Variants in DSCAM observed in about 807,000 individuals in gnomAD.
The protein encoded by DSCAM is cell adhesion molecule DSCAM.
Under a neutral mutation model 217.7 loss-of-function variants are expected in DSCAM, and 47 were observed. The observed-to-expected ratio is 0.22, with a 90% CI of 0.17 to 0.28. The LOEUF (loss-of-function observed/expected upper bound fraction) is 0.28. Among genes scored for constraint, DSCAM ranks in the 10% least tolerant of loss-of-function variants. The pLI is 1.00. For synonymous variants in DSCAM, 1,056 were observed against 1,015.3 expected, an observed-to-expected ratio of 1.04 and a Z score of -0.76; for missense variants, 2,080 against 2,618.3, an observed-to-expected ratio of 0.79 and a Z score of 4.49.
At chr21:40,218,528 G>A (rs1275715005) in intron 11 of DSCAM, among the ~76,000 whole-genome samples, 4 of 152,084 alleles carry the variant, frequency 2.6e-5, no homozygotes, top group African/African-American at 7.2e-5. Context: ...GTTCTGTGAA[G>A]AATGTCATTT....
At chr21:40,194,402 T>C (rs1251697210) in intron 11 of DSCAM, among the ~76,000 whole-genome samples, 1 of 152,198 alleles carries the variant, frequency 6.6e-6, no homozygotes, top group East Asian at 1.9e-4. Flanking sequence ...GATGACAACA[T>C]GTCTGTACAG....
At chr21:40,365,539 A>G (rs1429044080) in intron 4 of DSCAM, among the ~76,000 whole-genome samples, 5 of 152,248 alleles carry the variant, frequency 3.3e-5, no homozygotes, top group African/African-American at 1.2e-4. Context: ...TTACTCCTTA[A>G]TAAACTCTAC....
intron 3 of DSCAM, among the ~76,000 whole-genome samples, chr21:40,417,212 A>G (rs1295980233): frequency 6.6e-6 from 1 of 152,182 alleles, no homozygotes; most frequent in Admixed American, 6.5e-5. Context: ...TTGCCAATAT[A>G]TAATATTTCA....
intron 3 of DSCAM, among the ~76,000 whole-genome samples, chr21:40,691,787 G>A (rs981085713): frequency 3.9e-5 from 6 of 152,178 alleles, no homozygotes; most frequent in Non-Finnish European, 8.8e-5. Flanking sequence ...TTCCTGTAAT[G>A]TGCTATGATG....
At chr21:40,676,960 G>A (rs532410023) in intron 3 of DSCAM, among the ~76,000 whole-genome samples, 27 of 152,180 alleles carry the variant, frequency 1.8e-4, no homozygotes, top group African/African-American at 5.5e-4. Context: ...TTGGGAAATG[G>A]CCCTCCTCAA....
intron 4 of DSCAM, among the ~76,000 whole-genome samples, chr21:40,367,663 G>A (rs2074847976): frequency 6.6e-6 from 1 of 152,060 alleles, no homozygotes; most frequent in Non-Finnish European, 1.5e-5. Context: ...ACTCTCATAT[G>A]AGCCTTTTTG....
chr21:40,405,367 C>A (rs2075271581), intron 3 of DSCAM, among the ~76,000 whole-genome samples: 2 of 152,132 alleles, frequency 1.3e-5, no homozygotes, highest in African/African-American at 4.8e-5. Context: ...TCCACTGGTG[C>A]AATTTTGGGG....
intron 1 of DSCAM, among the ~76,000 whole-genome samples, chr21:40,763,552 T>A (rs944182775): frequency 3.3e-5 from 5 of 152,230 alleles, no homozygotes; most frequent in Admixed American, 2.6e-4. Context: ...GCTATTCTCA[T>A]CAAGCTAACA....
intron 3 of DSCAM, among the ~76,000 whole-genome samples, chr21:40,422,347 T>C (rs74533831): frequency 0.075 from 11,397 of 152,236 alleles, 669 homozygotes; most frequent in African/African-American, 0.16. Flanking sequence ...TAAAAGTTGG[T>C]GGCCGAGCAC....
chr21:40,798,475 T>G lies in DSCAM; in HGVS notation c.43+48144A>C, dbSNP rs117561731. 9.5e-3 allele frequency among the ~76,000 whole-genome samples: 1,448 copies of G among 152,152 alleles called. 8 individuals carry two copies. Among genetic ancestry groups the G allele is most frequent in the Non-Finnish European group, 0.014 (944 of 67,922 alleles). ...TTTTAAAAATTAATAAGCCTAGCAT[T>G]TATAAAAGCTTGCAAACCTATTTTT... On this transcript the variant is annotated intron_variant, in intron 1 of 32. Transcript: ENST00000400454.
chr21:40,128,699 CAAAAAAA>C (rs527919207), intron 19 of DSCAM, among the ~76,000 whole-genome samples: 4 of 89,048 alleles, frequency 4.5e-5, no homozygotes, highest in Non-Finnish European at 1.0e-4. Context: ...CATAACCAAA[CAAAAAAA>C]AAAAAAAAAA....
chr21:40,765,848 G>A (rs554136651), intron 1 of DSCAM, among the ~76,000 whole-genome samples: 4 of 152,294 alleles, frequency 2.6e-5, no homozygotes, highest in African/African-American at 2.4e-5. Flanking sequence ...CTAGGGCTCC[G>A]ATGCCCGCTC....
At chr21:40,713,359 G>C (rs942885823) in intron 1 of DSCAM, among the ~76,000 whole-genome samples, 1 of 152,194 alleles carries the variant, frequency 6.6e-6, no homozygotes. Context: ...GCATTGAGAC[G>C]TGTGTTGTGT....
chr21:40,219,622 C>G (rs1356446027), intron 11 of DSCAM, among the ~76,000 whole-genome samples: 1 of 152,124 alleles, frequency 6.6e-6, no homozygotes, highest in Non-Finnish European at 1.5e-5. Flanking sequence ...AAGACATTAA[C>G]TGTCTTTGGC....
chr21:40,187,999 G>C lies in DSCAM; in HGVS notation c.2554-12C>G, dbSNP rs2090913685. ...ACAGTTGGCAAAATCTATGTGTAAA[G>C]CAGAAAGAAATTCATCTTTTTCAGT... On this transcript the variant is annotated splice_polypyrimidine_tract_variant and intron_variant, in intron 12 of 32. Coordinates refer to ENST00000400454, the MANE Select transcript of DSCAM (RefSeq NM_001389.5). The C allele has an allele frequency of 1.9e-6, 3 of 1,603,420 alleles. No individual in the cohort carries two copies. The highest frequency in any genetic ancestry group is 2.7e-5 in the African/African-American group (2 of 74,392).
chr21:40,429,339 T>C (rs2075507910), intron 3 of DSCAM, among the ~76,000 whole-genome samples: 1 of 152,078 alleles, frequency 6.6e-6, no homozygotes, highest in Non-Finnish European at 1.5e-5. Context: ...TGATCTCGGC[T>C]CACTGCAACC....
At chr21:40,815,989 G>A (rs562344628) in intron 1 of DSCAM, among the ~76,000 whole-genome samples, 5 of 152,192 alleles carry the variant, frequency 3.3e-5, no homozygotes, top group Admixed American at 6.5e-5. Flanking sequence ...GAGGCAATGT[G>A]GCTGACATCC....
intron 1 of DSCAM, among the ~76,000 whole-genome samples, chr21:40,825,107 T>G (rs1317487990): frequency 4.2e-5 from 6 of 144,388 alleles, no homozygotes; most frequent in East Asian, 3.8e-4. Flanking sequence ...TAATATAGTG[T>G]TTTTTTCTCA....
chr21:40,474,109 A>G (rs2075912830), intron 3 of DSCAM, among the ~76,000 whole-genome samples: 1 of 152,056 alleles, frequency 6.6e-6, no homozygotes, highest in South Asian at 2.1e-4. Flanking sequence ...CCTGGCCAAC[A>G]TGGTGAAACC....
Sources: gnomAD v4.1 joint callset for allele counts (sites outside exome capture counted in the v4.1 genomes callset) on GRCh38, gnomAD v4.1.1 for gene constraint, MANE v1.5 for transcripts, NCBI Gene and HGNC (gene_info 2026-07-23, HGNC 2026-07-21) for gene names.